Variants in AMMECR1 observed in about 807,000 individuals in gnomAD.
AMMECR1 encodes AMMECR nuclear protein 1.
AMMECR1 carries 3 observed loss-of-function variants against 22.5 expected under a neutral mutation model. The ratio of observed to expected loss-of-function variants is 0.13; its 90% CI spans 0.06 to 0.35. The LOEUF (loss-of-function observed/expected upper bound fraction) is 0.35. Ranked by LOEUF, AMMECR1 falls within the 10% of genes least tolerant of loss-of-function variation. AMMECR1 has a pLI of 1.00. For synonymous variants in AMMECR1, 130 were observed against 116.7 expected (o/e 1.11, Z -0.74); for missense variants, 235 against 278.7 (o/e 0.84, Z 1.12).
intron 1 of AMMECR1, among the ~76,000 whole-genome samples, chrX:110,270,415 G>A (rs2067792532): frequency 9.0e-6 from 1 of 111,571 alleles, no homozygotes. Context: ...TCACCAAACT[G>A]GTTAGTGTTA....
chrX:110,215,883 C>CTT (rs1406680873), intron 3 of AMMECR1, among the ~76,000 whole-genome samples: 1 of 111,589 alleles, frequency 9.0e-6, no homozygotes, highest in Non-Finnish European at 1.9e-5. Flanking sequence ...AACCTTTGAA[C>CTT]TTCACTAACA....
chrX:110,237,608 C>A (rs974898152), intron 2 of AMMECR1, among the ~76,000 whole-genome samples: 1 of 111,779 alleles, frequency 8.9e-6, no homozygotes, highest in Non-Finnish European at 1.9e-5. Flanking sequence ...TTGCCTTTTA[C>A]AAGGAATAAT....
At position 110,248,390 on chromosome X, in the gene AMMECR1, AAAAAGAAAAG is replaced by A. The variant is rs10596812; in HGVS notation, c.584+16089_584+16098del. ...GACAGAGCGAGATCCTGTCTCAAAA[AAAAAGAAAAG>A]AAAAGAAAAGAAAAGAAAAAAATAC... is the stretch of plus-strand genomic sequence containing the variant. On this transcript the variant is annotated intron_variant, in intron 2 of 5. Coordinates refer to ENST00000262844, the MANE Select transcript of AMMECR1 (RefSeq NM_015365.3). Among the ~76,000 whole-genome samples, 88 of 110,221 alleles carry A rather than the reference AAAAAGAAAAG, an allele frequency of 8.0e-4. No individual in the cohort carries two copies. In the East Asian group the frequency reaches 8.1e-3, roughly 10 times the overall value.
intron 2 of AMMECR1, among the ~76,000 whole-genome samples, chrX:110,249,529 G>A (rs921556337): frequency 4.5e-5 from 5 of 111,291 alleles, no homozygotes; most frequent in African/African-American, 9.8e-5. Flanking sequence ...AAATACCTAC[G>A]AGAGTTCCAG....
chrX:110,327,948 C>T (rs375210117), intron 2 of AMMECR1, among the ~76,000 whole-genome samples: 14 of 111,313 alleles, frequency 1.3e-4, no homozygotes, highest in East Asian at 1.1e-3. Context: ...ATAACTGATC[C>T]GGATGGAAAT....
intron 2 of AMMECR1, among the ~76,000 whole-genome samples, chrX:110,236,433 T>C (rs2067601885): frequency 8.9e-6 from 1 of 112,186 alleles, no homozygotes; most frequent in Non-Finnish European, 1.9e-5. Context: ...AAGGTCTTAT[T>C]ACTTCTTAAA....
upstream of AMMECR1, among the ~76,000 whole-genome samples, chrX:110,318,942 G>C (rs1284038536): frequency 1.8e-5 from 2 of 112,311 alleles, no homozygotes. Flanking sequence ...TTTGGGACTT[G>C]CAGTGGTGGA....
chrX:110,200,831 A>G, intron 5 of AMMECR1, 123 bp downstream of exon 5: 1 of 497,132 alleles, frequency 2.0e-6, no homozygotes, highest in Admixed American at 2.9e-5. Flanking sequence ...TGACCCTGCC[A>G]TTCATTTCCA....
chrX:110,280,650 T>C (rs190230556), intron 1 of AMMECR1, among the ~76,000 whole-genome samples: 20 of 111,801 alleles, frequency 1.8e-4, no homozygotes, highest in Admixed American at 1.4e-3. Flanking sequence ...ATAAATATCA[T>C]ACACAATCTC....
Position 110,243,624 on chromosome X carries a change from C to CA in AMMECR1, c.584+20864dup, listed in dbSNP as rs1434413220. ...GTAATAAGAACAGATATTTAAATTCCATAACAACCGCCCAATGTTTACAAA... is the reference window on the plus strand; with the variant it reads ...GTAATAAGAACAGATATTTAAATTCCAATAACAACCGCCCAATGTTTACAAA... On this transcript the variant is annotated intron_variant, in intron 2 of 5. Coordinates refer to ENST00000262844, the MANE Select transcript of AMMECR1 (RefSeq NM_015365.3). Among the ~76,000 whole-genome samples the CA allele has an allele frequency of 4.5e-5, 5 of 111,585 alleles. No individual in the cohort carries two copies. The East Asian group carries it at 1.4e-3, about 31-fold the overall frequency.
intron 2 of AMMECR1, among the ~76,000 whole-genome samples, chrX:110,335,669 A>G (rs867267549): frequency 1.8e-5 from 2 of 111,873 alleles, no homozygotes; most frequent in Admixed American, 9.5e-5. Flanking sequence ...ACTTTACCTT[A>G]GTTGGATAAA....
Position 110,260,472 on chromosome X carries a change from C to T in AMMECR1, c.584+4017G>A, listed in dbSNP as rs185068892. On this transcript the variant is annotated intron_variant, in intron 2 of 5. Transcript: ENST00000262844. ...GATAGGCATTTCATTTAAAAAATAC[C>T]CGGTCATATTTGAACATACAACTTG... 7.7e-3 allele frequency among the ~76,000 whole-genome samples: 836 copies of T among 108,266 alleles called. 5 individuals carry two copies. Among genetic ancestry groups the T allele is most frequent in the African/African-American group, 0.026 (779 of 29,824 alleles). 94.0% of individuals were successfully genotyped at this position (108,266 alleles called of 115,157 possible). A position where few individuals can be genotyped will look rare whatever the true frequency, so the allele number is the denominator to read the frequency against.
intron 1 of AMMECR1, among the ~76,000 whole-genome samples, chrX:110,283,981 G>C (rs890852745): frequency 9.0e-6 from 1 of 110,640 alleles, no homozygotes; most frequent in Admixed American, 9.6e-5. Context: ...AATTAGCTGG[G>C]CGTGGTGGCA....
chrX:110,387,847 C>T (rs1295216280), intron 2 of AMMECR1, among the ~76,000 whole-genome samples: 1 of 104,170 alleles, frequency 9.6e-6, no homozygotes, highest in Admixed American at 1.0e-4. Flanking sequence ...TGATCGTTAT[C>T]TCCCTCTCTC....
chrX:110,293,765 A>T (rs1298043769), intron 1 of AMMECR1, among the ~76,000 whole-genome samples: 1 of 111,948 alleles, frequency 8.9e-6, no homozygotes, highest in Non-Finnish European at 1.9e-5. Context: ...TTTTCATGGA[A>T]ATATGATTTA....
At chrX:110,345,363 G>T (rs1344819395) in intron 2 of AMMECR1, among the ~76,000 whole-genome samples, 2 of 109,746 alleles carry the variant, frequency 1.8e-5, no homozygotes, top group African/African-American at 6.7e-5. Flanking sequence ...GGGGAGGGGA[G>T]AGGGATAGCA....
At chrX:110,251,165 T>G (rs763134282) in intron 2 of AMMECR1, among the ~76,000 whole-genome samples, 1 of 112,622 alleles carries the variant, frequency 8.9e-6, no homozygotes, top group South Asian at 3.7e-4. Flanking sequence ...TTTGTTAGTT[T>G]GCTTTGATGT....
intron 2 of AMMECR1, among the ~76,000 whole-genome samples, chrX:110,397,182 C>T (rs2068534009): frequency 9.0e-6 from 1 of 111,198 alleles, no homozygotes; most frequent in Non-Finnish European, 1.9e-5. Flanking sequence ...CTCTTAGATG[C>T]TTGGCTCTCC....
At chrX:110,379,247 A>T (rs1352053068) in intron 2 of AMMECR1, among the ~76,000 whole-genome samples, 6 of 112,026 alleles carry the variant, frequency 5.4e-5, no homozygotes. Context: ...TTTCTTAGTA[A>T]ATGGTTTGGT....
Sources: gnomAD v4.1 joint callset for allele counts (sites outside exome capture counted in the v4.1 genomes callset) on GRCh38, gnomAD v4.1.1 for gene constraint, MANE v1.5 for transcripts, NCBI Gene and HGNC (gene_info 2026-07-23, HGNC 2026-07-21) for gene names.